Variants in SPAG16 observed in about 807,000 individuals in gnomAD.
SPAG16 encodes the protein sperm associated antigen 16, also known as sperm-associated antigen 16 protein.
In SPAG16, 86 loss-of-function variants were observed where a neutral mutation model predicts 80.4. That is an observed-to-expected ratio of 1.07 (90% CI 0.90 to 1.28). The LOEUF is 1.28. SPAG16 is among the 50% of genes most tolerant of loss of function. SPAG16 has a pLI of 0.00. For synonymous variants in SPAG16, 294 were observed against 265.9 expected (o/e 1.11, Z -1.03); for missense variants, 870 against 765.3 (o/e 1.14, Z -1.61).
At chr2:213,598,079 C>A (rs924825176) in intron 10 of SPAG16, among the ~76,000 whole-genome samples, 1 of 152,174 alleles carries the variant, frequency 6.6e-6, no homozygotes, top group African/African-American at 2.4e-5. Context: ...ACCTGTCTTA[C>A]CATCATCATC....
At chr2:214,067,254 G>C (rs1380152248) in intron 13 of SPAG16, among the ~76,000 whole-genome samples, 1 of 152,050 alleles carries the variant, frequency 6.6e-6, no homozygotes, top group Non-Finnish European at 1.5e-5. Flanking sequence ...ACAAAGCACT[G>C]GTTTTGTTCA....
intron 10 of SPAG16, among the ~76,000 whole-genome samples, chr2:213,808,027 G>T (rs1440723630): frequency 6.6e-6 from 1 of 152,122 alleles, no homozygotes; most frequent in African/African-American, 2.4e-5. Flanking sequence ...TTAGAATCAA[G>T]AAACACGGAA....
chr2:213,997,238 A>G (rs538744313), intron 12 of SPAG16, among the ~76,000 whole-genome samples: 3 of 152,310 alleles, frequency 2.0e-5, no homozygotes, highest in Non-Finnish European at 4.4e-5. Flanking sequence ...AAAGAGTAAG[A>G]AGAAAAGAAA....
chr2:214,027,946 G>A (rs2048219345), intron 13 of SPAG16, among the ~76,000 whole-genome samples: 1 of 151,842 alleles, frequency 6.6e-6, no homozygotes, highest in Non-Finnish European at 1.5e-5. Context: ...TATAATATAT[G>A]ACTAAGTGTG....
intron 11 of SPAG16, among the ~76,000 whole-genome samples, chr2:213,877,552 TG>T (rs747341332): frequency 3.9e-5 from 6 of 152,210 alleles, no homozygotes; most frequent in Non-Finnish European, 5.9e-5. Flanking sequence ...TGAGTTCAAG[TG>T]ATCCTGCTGT....
At chr2:214,074,552 A>G (rs1487273247) in intron 13 of SPAG16, among the ~76,000 whole-genome samples, 1 of 152,174 alleles carries the variant, frequency 6.6e-6, no homozygotes, top group Non-Finnish European at 1.5e-5. Context: ...CTGAAAGAGA[A>G]GATAGAAACA....
chr2:214,260,179 A>T (rs780988362), intron 15 of SPAG16, among the ~76,000 whole-genome samples: 10 of 152,278 alleles, frequency 6.6e-5, no homozygotes, highest in Non-Finnish European at 1.2e-4. Context: ...TATAATTTTT[A>T]AAAATTTTCT....
intron 15 of SPAG16, among the ~76,000 whole-genome samples, chr2:214,334,778 A>G (rs769320754): frequency 6.6e-6 from 1 of 152,206 alleles, no homozygotes; most frequent in Admixed American, 6.5e-5. Flanking sequence ...GTCACCACTG[A>G]TAACATTTTA....
At chr2:213,407,670 GAGAC>G (rs1395548875) in intron 9 of SPAG16, among the ~76,000 whole-genome samples, 3 of 147,200 alleles carry the variant, frequency 2.0e-5, no homozygotes, top group Non-Finnish European at 3.0e-5. Flanking sequence ...GAGGGGGAGA[GAGAC>G]AGAGAGGAGA....
At chr2:214,375,153 T>G (rs1409143818) in intron 15 of SPAG16, among the ~76,000 whole-genome samples, 1 of 152,160 alleles carries the variant, frequency 6.6e-6, no homozygotes, top group Non-Finnish European at 1.5e-5. Flanking sequence ...CAGCTTTAGC[T>G]CACTTCCTTT....
chr2:213,919,410 A>T (rs1031557786), intron 11 of SPAG16, among the ~76,000 whole-genome samples: 4 of 151,974 alleles, frequency 2.6e-5, no homozygotes, highest in African/African-American at 4.8e-5. Context: ...TAACTTTTTG[A>T]TGTGGGCATT....
chr2:214,360,128 G>A (rs1259431190), intron 15 of SPAG16, among the ~76,000 whole-genome samples: 2 of 151,770 alleles, frequency 1.3e-5, no homozygotes, highest in African/African-American at 2.4e-5. Context: ...AGGATATAAC[G>A]AATAATTATT....
At chr2:213,817,674 C>T (rs2072642488) in intron 10 of SPAG16, among the ~76,000 whole-genome samples, 1 of 151,996 alleles carries the variant, frequency 6.6e-6, no homozygotes, top group African/African-American at 2.4e-5. Flanking sequence ...GAAATCGTGT[C>T]CTTTGCAACT....
At chr2:213,290,361 G>A (rs2062222073) in intron 1 of SPAG16, among the ~76,000 whole-genome samples, 1 of 152,156 alleles carries the variant, frequency 6.6e-6, no homozygotes, top group Non-Finnish European at 1.5e-5. Flanking sequence ...ATGGTACTGT[G>A]GGCTGTGGCT....
At chr2:213,616,739 T>G (rs941685400) in intron 10 of SPAG16, among the ~76,000 whole-genome samples, 6 of 152,166 alleles carry the variant, frequency 3.9e-5, no homozygotes, top group African/African-American at 1.2e-4. Context: ...TCTTGTACAT[T>G]AAATATTAGG....
In SPAG16 at chr2:213,643,348, TTATATATATATA is replaced by T. The variant is rs61608932; in HGVS notation, c.1070+153310_1070+153321del. 6.7e-3 allele frequency among the ~76,000 whole-genome samples: 262 copies of T among 38,944 alleles called. 3 individuals carry two copies. Among genetic ancestry groups the T allele is most frequent in the South Asian group, 0.018 (16 of 906 alleles). 25.5% of individuals were successfully genotyped at this position (38,944 alleles called of 152,430 possible). A position where few individuals can be genotyped will look rare whatever the true frequency, so the allele number is the denominator to read the frequency against. On this transcript the variant is annotated intron_variant, in intron 10 of 15. Transcript: ENST00000331683. Reference sequence around the variant, plus strand: ...CTGCCAGATGTATTGGATCTTAATTTTATATATATATATATATATATATATATATATATATAT... The same window carrying T: ...CTGCCAGATGTATTGGATCTTAATTTTATATATATATATATATATATATAT...
chr2:213,952,435 A>G (rs1559623761), intron 12 of SPAG16, among the ~76,000 whole-genome samples: 1 of 152,054 alleles, frequency 6.6e-6, no homozygotes, highest in East Asian at 1.9e-4. Context: ...ACATATAAAT[A>G]AAAGAATAAA....
In SPAG16 at chr2:214,175,797, C is replaced by T. The variant is rs184148132; in HGVS notation, c.1720+26531C>T. Among the ~76,000 whole-genome samples, 14 of 151,574 alleles carry T rather than the reference C, an allele frequency of 9.2e-5. No individual in the cohort carries two copies. The East Asian group carries it at 2.1e-3, about 23-fold the overall frequency. On this transcript the variant is annotated intron_variant, in intron 15 of 15. Coordinates refer to ENST00000331683, the MANE Select transcript of SPAG16 (RefSeq NM_024532.5). ...AAATCATTATAATCAGTATAAAATT[C>T]TTCTTCCTTTTTGTTGTAATTTGAT... is the stretch of plus-strand genomic sequence containing the variant.
chr2:214,328,670 AT>A (rs1272998792), intron 15 of SPAG16, among the ~76,000 whole-genome samples: 5 of 152,234 alleles, frequency 3.3e-5, no homozygotes, highest in Non-Finnish European at 7.3e-5. Flanking sequence ...ATAAAATTAT[AT>A]AGTTCAAAAT....
Sources: gnomAD v4.1 joint callset for allele counts (sites outside exome capture counted in the v4.1 genomes callset) on GRCh38, gnomAD v4.1.1 for gene constraint, MANE v1.5 for transcripts, NCBI Gene and HGNC (gene_info 2026-07-23, HGNC 2026-07-21) for gene names.